Variants in GRM1 observed in about 807,000 individuals in gnomAD.
The protein encoded by GRM1 is glutamate metabotropic receptor 1.
A neutral mutation model predicts 90.9 loss-of-function variants in GRM1; 33 were observed. The observed-to-expected ratio is 0.36, with a 90% CI of 0.28 to 0.49. The LOEUF is 0.49. Among genes scored for constraint, GRM1 ranks in the 20% least tolerant of loss-of-function variants. GRM1 has a pLI of 0.99. For missense variants in GRM1, 1,190 were observed against 1,534.3 expected (o/e 0.78, Z 3.75); for synonymous variants, 700 against 613.2 (o/e 1.14, Z -2.09).
intron 1 of GRM1, among the ~76,000 whole-genome samples, chr6:146,157,123 A>T (rs1272639093): frequency 6.6e-6 from 1 of 152,234 alleles, no homozygotes; most frequent in Non-Finnish European, 1.5e-5. Flanking sequence ...GAGAGTATAG[A>T]TGAAAAAGAC....
In GRM1 at chr6:146,073,020, G is replaced by A. The variant is rs193301822; in HGVS notation, c.700+42803G>A. ...TCAGATGCTTACACTCTTAGGTAACGCTCCTCAAACTTTCCCAGCTTCTAC... is the reference window on the plus strand; with the variant it reads ...TCAGATGCTTACACTCTTAGGTAACACTCCTCAAACTTTCCCAGCTTCTAC... On this transcript the variant is annotated intron_variant, in intron 1 of 7. Coordinates refer to ENST00000282753, the MANE Select transcript of GRM1 (RefSeq NM_001278064.2). 9.9e-5 allele frequency among the ~76,000 whole-genome samples: 15 copies of A among 152,164 alleles called. 1 individual carries two copies. The East Asian group carries it at 2.5e-3, about 26-fold the overall frequency.
At chr6:146,057,705 CCTT>C (rs953845747) in intron 1 of GRM1, among the ~76,000 whole-genome samples, 1 of 152,030 alleles carries the variant, frequency 6.6e-6, no homozygotes, top group African/African-American at 2.4e-5. Flanking sequence ...TTCTACCATT[CCTT>C]CTTTCCCCAT....
At chr6:146,110,127 G>A (rs185168028) in intron 1 of GRM1, among the ~76,000 whole-genome samples, 1 of 152,212 alleles carries the variant, frequency 6.6e-6, no homozygotes, top group East Asian at 1.9e-4. Flanking sequence ...GGGAGGGCAC[G>A]ATTGGTTTTG....
chr6:146,186,886 A>C (rs1230513481), intron 2 of GRM1, among the ~76,000 whole-genome samples: 1 of 152,192 alleles, frequency 6.6e-6, no homozygotes, highest in Non-Finnish European at 1.5e-5. Context: ...CTAAGAAGGG[A>C]GTTTTCCTAT....
intron 5 of GRM1, among the ~76,000 whole-genome samples, chr6:146,366,451 A>T (rs980006512): frequency 1.3e-5 from 2 of 151,852 alleles, no homozygotes; most frequent in Non-Finnish European, 2.9e-5. Flanking sequence ...TTTTCTATCT[A>T]ACTGTATTTT....
At chr6:146,256,710 A>G (rs181147875) in intron 2 of GRM1, among the ~76,000 whole-genome samples, 1 of 152,230 alleles carries the variant, frequency 6.6e-6, no homozygotes, top group East Asian at 1.9e-4. Flanking sequence ...CTCAAACCCC[A>G]ACACTTACTG....
intron 3 of GRM1, among the ~76,000 whole-genome samples, chr6:146,319,343 C>A (rs1207020656): frequency 6.6e-6 from 1 of 152,120 alleles, no homozygotes; most frequent in Admixed American, 6.5e-5. Flanking sequence ...TGTTTTGGTA[C>A]CAGTACCTGC....
intron 7 of GRM1, among the ~76,000 whole-genome samples, chr6:146,428,441 G>T (rs1010286376): frequency 6.6e-6 from 1 of 152,178 alleles, no homozygotes; most frequent in East Asian, 1.9e-4. Context: ...CCAGTTGCAG[G>T]AAATATGGCA....
chr6:146,378,151 G>A (rs1367655816), intron 5 of GRM1, among the ~76,000 whole-genome samples: 1 of 152,210 alleles, frequency 6.6e-6, no homozygotes, highest in Non-Finnish European at 1.5e-5. Context: ...GTGTGCTGCA[G>A]GGGTGGAACC....
intron 5 of GRM1, among the ~76,000 whole-genome samples, chr6:146,379,893 T>C (rs1776254735): frequency 6.6e-6 from 1 of 151,802 alleles, no homozygotes; most frequent in South Asian, 2.1e-4. Flanking sequence ...GAGACTCTTG[T>C]TCTCTTCCCT....
chr6:146,425,497 AT>A (rs1450842826), intron 7 of GRM1, among the ~76,000 whole-genome samples: 5 of 149,304 alleles, frequency 3.3e-5, no homozygotes, highest in Non-Finnish European at 4.5e-5. Flanking sequence ...GCCAGGAGCC[AT>A]TTTGGTCCTC....
intron 1 of GRM1, among the ~76,000 whole-genome samples, chr6:146,129,868 C>T (rs138684912): frequency 5.3e-5 from 8 of 152,154 alleles, no homozygotes; most frequent in African/African-American, 1.9e-4. Flanking sequence ...TGTCCTGAGC[C>T]TGGACTCCTA....
chr6:146,056,365 A>G (rs2128851478), intron 1 of GRM1, among the ~76,000 whole-genome samples: 1 of 152,202 alleles, frequency 6.6e-6, no homozygotes, highest in African/African-American at 2.4e-5. Context: ...TCTTATTTAA[A>G]GAAAAAAATA....
chr6:146,120,572 G>A (rs1775943831), intron 1 of GRM1, among the ~76,000 whole-genome samples: 1 of 152,062 alleles, frequency 6.6e-6, no homozygotes, highest in South Asian at 2.1e-4. Context: ...TTGGCTGTGG[G>A]TTTGTCATAA....
intron 1 of GRM1, among the ~76,000 whole-genome samples, chr6:146,040,135 G>A (rs1031729660): frequency 3.3e-5 from 5 of 151,864 alleles, no homozygotes; most frequent in African/African-American, 1.2e-4. Flanking sequence ...AAGGGAAAAA[G>A]GACAGTTTAA....
intron 2 of GRM1, among the ~76,000 whole-genome samples, chr6:146,211,842 G>A (rs1050092682): frequency 6.6e-6 from 1 of 152,116 alleles, no homozygotes; most frequent in African/African-American, 2.4e-5. Context: ...CAGGAACTGG[G>A]CTAACCCAGA....
chr6:146,266,197 A>G (rs1781880562), intron 2 of GRM1, among the ~76,000 whole-genome samples: 1 of 152,182 alleles, frequency 6.6e-6, no homozygotes, highest in African/African-American at 2.4e-5. Flanking sequence ...TAAAAAAAAA[A>G]TACATATTAG....
intron 6 of GRM1, among the ~76,000 whole-genome samples, chr6:146,398,134 T>C (rs1583441580): frequency 6.6e-6 from 1 of 152,196 alleles, no homozygotes. Context: ...CCTGGATATG[T>C]CCACTAGAGG....
intron 1 of GRM1, among the ~76,000 whole-genome samples, chr6:146,136,804 G>A (rs1241793710): frequency 6.6e-6 from 1 of 150,950 alleles, no homozygotes; most frequent in Non-Finnish European, 1.5e-5. Flanking sequence ...CTGTCATGTG[G>A]GTTGTTTCTT....
Sources: gnomAD v4.1 joint callset for allele counts (sites outside exome capture counted in the v4.1 genomes callset) on GRCh38, gnomAD v4.1.1 for gene constraint, MANE v1.5 for transcripts, NCBI Gene and HGNC (gene_info 2026-07-23, HGNC 2026-07-21) for gene names.